PTK2: variants seen among roughly 807,000 people sequenced by gnomAD.
The protein encoded by PTK2 is protein tyrosine kinase 2, also known as focal adhesion kinase 1.
In PTK2, 45 loss-of-function variants were observed where a neutral mutation model predicts 150.1. The observed-to-expected ratio is 0.30, with a 90% CI of 0.24 to 0.38. The LOEUF is 0.38. PTK2 is among the 10% of genes least tolerant of loss of function. The pLI is 1.00. For synonymous variants in PTK2, 432 were observed against 449.2 expected, an observed-to-expected ratio of 0.96 and a Z score of 0.48; for missense variants, 919 against 1,307.3, an observed-to-expected ratio of 0.70 and a Z score of 4.58.
chr8:140,900,497 G>GT (rs2100157997), intron 2 of PTK2, among the ~76,000 whole-genome samples: 1 of 152,106 alleles, frequency 6.6e-6, no homozygotes. Context: ...CAAGGCAGGC[G>GT]TATCACTAGA....
intron 5 of PTK2, among the ~76,000 whole-genome samples, chr8:140,856,486 T>C (rs985882975): frequency 6.6e-6 from 1 of 152,180 alleles, no homozygotes; most frequent in Admixed American, 6.5e-5. Context: ...AGAAAACTAC[T>C]GAAATCTCAA....
rs531941374 is a variant in PTK2 at position 140,991,653 on chromosome 8, A to G, written c.-122+9472T>C. Among the ~76,000 whole-genome samples, 12 of 152,292 alleles carry G rather than the reference A, an allele frequency of 7.9e-5. No homozygotes were observed. The South Asian group carries it at 2.5e-3, about 32-fold the overall frequency. ...TCCTATGACTTGCATTTCTTTCAAAACACCCTAAAGCAGTGGTTCACAAAC... is the reference window on the plus strand; with the variant it reads ...TCCTATGACTTGCATTTCTTTCAAAGCACCCTAAAGCAGTGGTTCACAAAC... On this transcript the variant is annotated intron_variant, in intron 1 of 31. Coordinates refer to ENST00000522684, the Ensembl canonical transcript of PTK2.
chr8:140,959,717 G>A (rs947821922), intron 1 of PTK2, among the ~76,000 whole-genome samples: 6 of 151,922 alleles, frequency 3.9e-5, no homozygotes, highest in Admixed American at 6.6e-5. Flanking sequence ...TGTGGCCCAC[G>A]TATAGCAGCT....
intron 1 of PTK2, among the ~76,000 whole-genome samples, chr8:140,943,559 A>T (rs530974371): frequency 8.3e-4 from 125 of 151,034 alleles, no homozygotes; most frequent in African/African-American, 2.9e-3. Flanking sequence ...CATTGTAAGA[A>T]AATGTTTTCA....
At chr8:140,908,833 A>G (rs2100161986) in intron 2 of PTK2, among the ~76,000 whole-genome samples, 1 of 152,214 alleles carries the variant, frequency 6.6e-6, no homozygotes. Flanking sequence ...AGGAGAGAGA[A>G]AACATGCCAA....
At chr8:140,747,934 A>C (rs932218714) in intron 17 of PTK2, among the ~76,000 whole-genome samples, 14 of 152,068 alleles carry the variant, frequency 9.2e-5, no homozygotes, top group Non-Finnish European at 1.9e-4. Context: ...TTACTAAGCA[A>C]CCATCTTTAC....
chr8:140,808,730 CTTG>C (rs1273380039), intron 10 of PTK2, among the ~76,000 whole-genome samples: 3 of 130,318 alleles, frequency 2.3e-5, no homozygotes, highest in South Asian at 2.3e-4. Flanking sequence ...AATTTTTGTT[CTTG>C]TTTTTTTTTT....
chr8:140,696,047 T>C (rs182575520), intron 26 of PTK2, among the ~76,000 whole-genome samples: 68 of 152,322 alleles, frequency 4.5e-4, no homozygotes, highest in African/African-American at 1.6e-3. Flanking sequence ...GACTCCTCCT[T>C]CCTCTGGGCC....
In PTK2 at chr8:140,694,840, C is replaced by G. The variant is rs141588814; in HGVS notation, c.2499+6051G>C. Among the ~76,000 whole-genome samples the G allele has an allele frequency of 3.3e-3, 507 of 152,322 alleles. 1 individual carries two copies. The highest frequency in any genetic ancestry group is 5.4e-3 in the Non-Finnish European group (365 of 68,030). ...GACCATAAAGCACGTGTGCTCATAA[C>G]CAGAGACCTAGCTGCCACCATCACC... is the stretch of plus-strand genomic sequence containing the variant. On this transcript the variant is annotated intron_variant, in intron 26 of 31. Transcript: ENST00000522684.
intron 20 of PTK2, among the ~76,000 whole-genome samples, chr8:140,742,956 C>T (rs1021792607): frequency 4.6e-5 from 7 of 152,102 alleles, no homozygotes; most frequent in Admixed American, 6.5e-5. Flanking sequence ...AATATTTACT[C>T]GTGTTTTTTT....
At chr8:140,861,964 C>T (rs2100136403) in intron 5 of PTK2, among the ~76,000 whole-genome samples, 3 of 152,124 alleles carry the variant, frequency 2.0e-5, no homozygotes, top group African/African-American at 2.4e-5. Flanking sequence ...TTATAAAGAC[C>T]GCTGAACTGA....
chr8:140,924,568 A>C (rs1603249191), intron 2 of PTK2, among the ~76,000 whole-genome samples: 1 of 152,174 alleles, frequency 6.6e-6, no homozygotes, highest in Admixed American at 6.5e-5. Context: ...GGCTATGGTC[A>C]CAGAGAAGGT....
At chr8:140,911,171 G>A (rs932972840) in intron 2 of PTK2, among the ~76,000 whole-genome samples, 1 of 151,934 alleles carries the variant, frequency 6.6e-6, no homozygotes, top group East Asian at 1.9e-4. Context: ...GATTACAGGC[G>A]TGAGCCACAG....
intron 31 of PTK2, among the ~76,000 whole-genome samples, chr8:140,660,124 A>G (rs1263777961): frequency 6.6e-6 from 1 of 152,062 alleles, no homozygotes; most frequent in East Asian, 1.9e-4. Context: ...CTTCCATTCA[A>G]AGCCTTCCCT....
chr8:140,663,976 T>C (rs2085245259), intron 31 of PTK2, among the ~76,000 whole-genome samples: 1 of 152,146 alleles, frequency 6.6e-6, no homozygotes, highest in African/African-American at 2.4e-5. Flanking sequence ...CTTAAAGACA[T>C]TCATTAATTT....
intron 3 of PTK2, among the ~76,000 whole-genome samples, chr8:140,887,774 T>C (rs2100152848): frequency 6.6e-6 from 1 of 152,206 alleles, no homozygotes; most frequent in African/African-American, 2.4e-5. Context: ...TCAAAAGTAT[T>C]ATCATTTAAC....
At chr8:140,976,404 A>T (rs76448343) in intron 1 of PTK2, among the ~76,000 whole-genome samples, 5 of 152,354 alleles carry the variant, frequency 3.3e-5, no homozygotes, top group Non-Finnish European at 7.3e-5. Context: ...TGAAATGGAC[A>T]CCCAAAATAA....
At chr8:140,985,503 A>G (rs117858557) in intron 1 of PTK2, among the ~76,000 whole-genome samples, 244 of 152,296 alleles carry the variant, frequency 1.6e-3, no homozygotes, top group South Asian at 2.5e-3. Context: ...CTTCAAACCA[A>G]TCTCCACACG....
At chr8:140,882,646 T>TA (rs1449532284) in intron 3 of PTK2, among the ~76,000 whole-genome samples, 11 of 152,324 alleles carry the variant, frequency 7.2e-5, no homozygotes, top group Admixed American at 7.2e-4. Flanking sequence ...ATCATGCCTG[T>TA]ATCTTATCAG....
Sources: allele counts gnomAD v4.1 joint callset (sites outside exome capture counted in the v4.1 genomes callset), GRCh38; gene constraint gnomAD v4.1.1; transcripts MANE v1.5; gene names NCBI Gene and HGNC (gene_info 2026-07-23, HGNC 2026-07-21).